The following KDM2A variants were observed in gnomAD, a reference collection of about 807,000 sequenced individuals.
The protein encoded by KDM2A is lysine demethylase 2A.
A neutral mutation model predicts 137.3 loss-of-function variants in KDM2A; 3 were observed. The ratio of observed to expected loss-of-function variants is 0.02; its 90% CI spans 0.01 to 0.06. The LOEUF is 0.06. Among genes scored for constraint, KDM2A ranks in the 10% least tolerant of loss-of-function variants. The pLI, the probability that KDM2A is intolerant of heterozygous loss-of-function variation, is 1.00. For missense variants in KDM2A, 738 were observed against 1,510.6 expected (o/e 0.49, Z 8.48); for synonymous variants, 512 against 541.5 (o/e 0.95, Z 0.76).
intron 12 of KDM2A, among the ~76,000 whole-genome samples, chr11:67,239,056 C>T (rs1396657109): frequency 6.6e-6 from 1 of 152,164 alleles, no homozygotes; most frequent in African/African-American, 2.4e-5. Context: ...TGTGAGAAGG[C>T]AGTGAGGTGT....
At chr11:67,189,943 A>G (rs2136348494) in intron 5 of KDM2A, among the ~76,000 whole-genome samples, 1 of 152,352 alleles carries the variant, frequency 6.6e-6, no homozygotes, top group South Asian at 2.1e-4. Flanking sequence ...ACTAAACCTA[A>G]AGCTAAAGGA....
intron 5 of KDM2A, among the ~76,000 whole-genome samples, chr11:67,199,903 T>C (rs751520227): frequency 6.6e-6 from 1 of 152,176 alleles, no homozygotes; most frequent in Non-Finnish European, 1.5e-5. Flanking sequence ...ACAAGTTGAC[T>C]CTCTTGTTAG....
chr11:67,195,886 T>G, intron 5 of KDM2A: 1 of 331,056 alleles, frequency 3.0e-6, no homozygotes, highest in Non-Finnish European at 6.2e-6. Flanking sequence ...TTATAACCAG[T>G]TCTCAATAGG....
intron 12 of KDM2A, among the ~76,000 whole-genome samples, chr11:67,232,379 G>C (rs1300807836): frequency 6.6e-6 from 1 of 152,200 alleles, no homozygotes; most frequent in East Asian, 1.9e-4. Context: ...ACGTTGAGTA[G>C]CTTTAGCCTC....
chr11:67,189,368 T>C (rs1857288365), intron 5 of KDM2A, among the ~76,000 whole-genome samples: 1 of 152,108 alleles, frequency 6.6e-6, no homozygotes, highest in African/African-American at 2.4e-5. Context: ...CTACCAAAAC[T>C]TATAGGGATC....
intron 6 of KDM2A, among the ~76,000 whole-genome samples, chr11:67,211,759 A>G (rs907414040): frequency 4.0e-5 from 6 of 151,664 alleles, no homozygotes; most frequent in Admixed American, 3.9e-4. Flanking sequence ...GTCACTTCTC[A>G]CTTTATATCC....
chr11:67,231,762 T>C lies in KDM2A; in HGVS notation c.1281T>C (p.Ser427=), dbSNP rs1342754997. 1 of 1,614,048 alleles carries C rather than the reference T, an allele frequency of 6.2e-7. No individual in the cohort carries two copies. Among genetic ancestry groups the C allele is most frequent in the East Asian group, 2.2e-5 (1 of 44,890 alleles). The part of the protein sequence containing the change: ...LKKTLAGDSS[S]DCSRGSHNGQ... ...AAACTTTGGCTGGGGACTCATCTTC[T>C]GACTGTAGCCGGGGCTCCCACAATG... Residue 427 remains serine (S), a synonymous_variant, in exon 12 of 21, where the codon TCT becomes TCC. Coordinates refer to ENST00000529006, the MANE Select transcript of KDM2A (RefSeq NM_012308.3).
At chr11:67,223,734 ATTAC>A (rs1308448613) in intron 10 of KDM2A, among the ~76,000 whole-genome samples, 1 of 151,996 alleles carries the variant, frequency 6.6e-6, no homozygotes, top group Non-Finnish European at 1.5e-5. Flanking sequence ...AACTGTCATT[ATTAC>A]TCAGCTTTCA....
At chr11:67,156,914 T>C (rs1481085338) in intron 2 of KDM2A, among the ~76,000 whole-genome samples, 2 of 151,092 alleles carry the variant, frequency 1.3e-5, no homozygotes, top group Non-Finnish European at 2.9e-5. Context: ...AAATAGGAGC[T>C]TCAGTGCCCA....
At chr11:67,159,998 C>T (rs911942774) in intron 2 of KDM2A, among the ~76,000 whole-genome samples, 1 of 152,120 alleles carries the variant, frequency 6.6e-6, no homozygotes, top group Non-Finnish European at 1.5e-5. Context: ...ACAAATTCAG[C>T]TAAAATGGTA....
chr11:67,231,696 T>C lies in KDM2A; in HGVS notation c.1215T>C (p.Asp405=). Residue 405 remains aspartate, a synonymous_variant, in exon 12 of 21, where the codon GAT becomes GAC. Coordinates refer to ENST00000529006, the MANE Select transcript of KDM2A (RefSeq NM_012308.3). ...CGAATGGAGTCAACCTGGATTATGA[T>C]GGACTGGGCAAAACCTGCCGAAGTC... ...PVANGVNLDY[D]GLGKTCRSLP... 2.5e-6 allele frequency: 4 copies of C among 1,613,998 alleles called. No individual in the cohort carries two copies. Among genetic ancestry groups the C allele is most frequent in the Non-Finnish European group, 3.4e-6 (4 of 1,179,876 alleles).
chr11:67,119,892 G>A lies in KDM2A; in HGVS notation c.-241G>A, dbSNP rs539699491. On this transcript the variant is annotated 5_prime_UTR_variant, in exon 1 of 21. Coordinates refer to ENST00000529006, the MANE Select transcript of KDM2A (RefSeq NM_012308.3). ...AAGCCAGAAGAGAAGGTTTGATTCA[G>A]CAACTGTTTGCTCCCTTTTCCTGGT... 39 of 152,320 alleles carry A rather than the reference G, an allele frequency of 2.6e-4. No homozygotes were observed. Among genetic ancestry groups the A allele is most frequent in the African/African-American group, 7.7e-4 (32 of 41,574 alleles). 9.4% of individuals were successfully genotyped at this position (152,320 alleles called of 1,614,324 possible).
chr11:67,170,989 C>G (rs1206678142), intron 2 of KDM2A, among the ~76,000 whole-genome samples: 1 of 152,096 alleles, frequency 6.6e-6, no homozygotes, highest in African/African-American at 2.4e-5. Context: ...TTACTTCTTT[C>G]ATTTTCCTTG....
intron 2 of KDM2A, among the ~76,000 whole-genome samples, chr11:67,166,922 C>A (rs1274222256): frequency 6.6e-6 from 1 of 151,906 alleles, no homozygotes; most frequent in Non-Finnish European, 1.5e-5. Context: ...ACTAAAAATA[C>A]AACAAATTAG....
chr11:67,133,588 A>G (rs1222342212), intron 2 of KDM2A, among the ~76,000 whole-genome samples: 1 of 151,510 alleles, frequency 6.6e-6, no homozygotes. Context: ...TTTTTAGTAG[A>G]GACGGGGTTT....
intron 2 of KDM2A, among the ~76,000 whole-genome samples, chr11:67,137,156 A>G (rs567280068): frequency 3.8e-4 from 58 of 152,362 alleles, no homozygotes; most frequent in African/African-American, 1.3e-3. Context: ...AGCTAAGCCA[A>G]CCAACTAAAC....
chr11:67,240,206 C>G (rs770316780), intron 12 of KDM2A: 377 of 1,534,730 alleles, frequency 2.5e-4, no homozygotes, highest in Admixed American at 5.9e-5. Flanking sequence ...CTGCCCTGCC[C>G]TATGTGCTCT....
At chr11:67,162,458 G>T (rs1240820038) in intron 2 of KDM2A, among the ~76,000 whole-genome samples, 4 of 152,146 alleles carry the variant, frequency 2.6e-5, no homozygotes, top group Non-Finnish European at 5.9e-5. Flanking sequence ...AGGCTGGAGT[G>T]CAGTGGCGTG....
At chr11:67,241,096 T>G (rs1156640272) in intron 12 of KDM2A, among the ~76,000 whole-genome samples, 1 of 152,218 alleles carries the variant, frequency 6.6e-6, no homozygotes, top group Non-Finnish European at 1.5e-5. Context: ...TCCCCGTTTG[T>G]GGACAGCTCA....
Sources: gnomAD v4.1 joint callset for allele counts (sites outside exome capture counted in the v4.1 genomes callset) on GRCh38, gnomAD v4.1.1 for gene constraint, MANE v1.5 for transcripts, NCBI Gene and HGNC (gene_info 2026-07-23, HGNC 2026-07-21) for gene names.